The following SOX6 variants were observed in gnomAD, a reference collection of about 807,000 sequenced individuals.
The protein encoded by SOX6 is SRY-box transcription factor 6.
Under a neutral mutation model 97.8 loss-of-function variants are expected in SOX6, and 11 were observed. That is an observed-to-expected ratio of 0.11 (90% CI 0.07 to 0.19). The LOEUF is 0.19. Among genes scored for constraint, SOX6 ranks in the 10% least tolerant of loss-of-function variants. The pLI, the probability that SOX6 is intolerant of heterozygous loss-of-function variation, is 1.00. For missense variants in SOX6, 810 were observed against 1,039.5 expected, an observed-to-expected ratio of 0.78 and a Z score of 3.04; for synonymous variants, 360 against 371.4, an observed-to-expected ratio of 0.97 and a Z score of 0.35.
intron 7 of SOX6, among the ~76,000 whole-genome samples, chr11:16,098,605 G>A (rs1361156438): frequency 1.3e-5 from 2 of 151,812 alleles, no homozygotes; most frequent in Admixed American, 1.3e-4. Context: ...AAATTAGTAT[G>A]TGTGGATAAA....
At chr11:16,199,751 T>G (rs1851883112) in intron 4 of SOX6, among the ~76,000 whole-genome samples, 1 of 152,168 alleles carries the variant, frequency 6.6e-6, no homozygotes, top group Non-Finnish European at 1.5e-5. Flanking sequence ...GGAACTAGTC[T>G]CCATCAACAG....
rs900373477 is a variant in SOX6 at position 16,055,783 on chromosome 11, T to C, written c.1220A>G (p.Lys407Arg). 3.7e-6 allele frequency: 6 copies of C among 1,613,764 alleles called. No individual in the cohort carries two copies. Among genetic ancestry groups the C allele is most frequent in the South Asian group, 1.1e-5 (1 of 91,084 alleles). The change falls in exon 10 of 16, where the codon AAG becomes AGG. Residue 407 changes from lysine (K) to arginine (R), a missense_variant. This residue lies in a region of SOX6 where 244 missense variants were observed against 261.0 expected (regional missense o/e 0.93). Coordinates refer to ENST00000683767, the MANE Select transcript of SOX6 (RefSeq NM_001367873.1). ...TVSPTGIKNE[K>R]RGTSPVTQVK... ...TTGAGTTACAGGGCTGGTCCCTCTCTTTTCATTTTTTATCCCAGTAGGTGA... is the reference window on the plus strand; with the variant it reads ...TTGAGTTACAGGGCTGGTCCCTCTCCTTTCATTTTTTATCCCAGTAGGTGA...
chr11:16,371,474 T>TAA (rs1459998334), intron 1 of SOX6, among the ~76,000 whole-genome samples: 1 of 149,818 alleles, frequency 6.7e-6, no homozygotes, highest in African/African-American at 2.5e-5. Flanking sequence ...TTCTTTTTTT[T>TAA]AAAAAAAAAT....
chr11:16,066,539 G>A (rs1368756046), intron 9 of SOX6, among the ~76,000 whole-genome samples: 1 of 152,140 alleles, frequency 6.6e-6, no homozygotes, highest in South Asian at 2.1e-4. Flanking sequence ...AGAAAATGTG[G>A]TACTTATACA....
At chr11:16,594,684 CTTTTTTT>C (rs10653599) in intron 4 of SOX6, among the ~76,000 whole-genome samples, 1 of 68,266 alleles carries the variant, frequency 1.5e-5, no homozygotes, top group African/African-American at 6.2e-5. Flanking sequence ...TCGGTTTTTG[CTTTTTTT>C]TTTTTTTTTT....
rs1853253560 is a variant in SOX6 at position 16,243,538 on chromosome 11, T to C, written c.446-8867A>G. Among the ~76,000 whole-genome samples the C allele has an allele frequency of 3.3e-5, 5 of 151,896 alleles. No homozygotes were observed. The South Asian group carries it at 1.0e-3, about 31-fold the overall frequency. On this transcript the variant is annotated intron_variant, in intron 3 of 15. Coordinates refer to ENST00000683767, the MANE Select transcript of SOX6 (RefSeq NM_001367873.1). Reference sequence around the variant, plus strand: ...TAACTATATTCATATATAATTTACATATAATAAAATGCGCCCATTTAAAAT... The same window carrying C: ...TAACTATATTCATATATAATTTACACATAATAAAATGCGCCCATTTAAAAT...
intron 7 of SOX6, among the ~76,000 whole-genome samples, chr11:16,107,859 G>A (rs762967260): frequency 2.0e-5 from 3 of 152,046 alleles, no homozygotes; most frequent in Non-Finnish European, 4.4e-5. Context: ...GTTTTTGGTC[G>A]TTGAGCAGAG....
At chr11:16,432,024 T>C (rs1050897231) in intron 1 of SOX6, among the ~76,000 whole-genome samples, 1 of 152,022 alleles carries the variant, frequency 6.6e-6, no homozygotes, top group African/African-American at 2.4e-5. Context: ...TCCCTAAAAG[T>C]TCCCTTAGCA....
At position 16,101,589 on chromosome 11, in the gene SOX6, C is replaced by T. The variant is rs568223546; in HGVS notation, c.899-3901G>A. Among the ~76,000 whole-genome samples, 25 of 151,596 alleles carry T rather than the reference C, an allele frequency of 1.6e-4. 1 individual carries two copies. The South Asian group carries it at 4.4e-3, about 27-fold the overall frequency. ...GCATCCAAACCCTTGACCAATCATC[C>T]GAAAATCTGTGGAATTTGTCACAAT... is the stretch of plus-strand genomic sequence containing the variant. On this transcript the variant is annotated intron_variant, in intron 7 of 15. Transcript: ENST00000683767.
At chr11:16,197,577 T>C (rs972491598) in intron 4 of SOX6, among the ~76,000 whole-genome samples, 8 of 152,240 alleles carry the variant, frequency 5.3e-5, no homozygotes, top group African/African-American at 1.9e-4. Flanking sequence ...TGTTCTTTTA[T>C]AGTTAAATAT....
chr11:16,434,714 C>T (rs1859340338), intron 1 of SOX6, among the ~76,000 whole-genome samples: 1 of 152,022 alleles, frequency 6.6e-6, no homozygotes, highest in South Asian at 2.1e-4. Context: ...TAAGTAAGTG[C>T]TCAATAAAAG....
intron 3 of SOX6, among the ~76,000 whole-genome samples, chr11:16,674,055 T>G (rs1176259205): frequency 6.6e-6 from 1 of 151,844 alleles, no homozygotes; most frequent in Non-Finnish European, 1.5e-5. Flanking sequence ...CCGGGCCTGG[T>G]GGCGGGCGCC....
chr11:16,204,223 C>T lies in SOX6; in HGVS notation c.536-17268G>A, dbSNP rs1265717097. Among the ~76,000 whole-genome samples the T allele has an allele frequency of 5.3e-5, 8 of 152,120 alleles. No homozygotes were observed. The South Asian group carries it at 1.4e-3, about 28-fold the overall frequency. On this transcript the variant is annotated intron_variant, in intron 4 of 15. Coordinates refer to ENST00000683767, the MANE Select transcript of SOX6 (RefSeq NM_001367873.1). ...GATTGACCCAAAATTTAAACTCTAA[C>T]TTAAAACCTATTTCCCTTTCCACTT...
intron 1 of SOX6, among the ~76,000 whole-genome samples, chr11:16,436,883 C>T (rs1056796942): frequency 2.0e-5 from 3 of 152,068 alleles, no homozygotes; most frequent in Admixed American, 2.0e-4. Context: ...TGTCCCCAAA[C>T]TATCATCTTT....
intron 4 of SOX6, among the ~76,000 whole-genome samples, chr11:16,557,402 C>T (rs1307234017): frequency 6.6e-6 from 1 of 151,870 alleles, no homozygotes; most frequent in Non-Finnish European, 1.5e-5. Flanking sequence ...ATCCAGTAAA[C>T]TCATTCCCAC....
chr11:16,169,007 T>A (rs565608003), intron 6 of SOX6, among the ~76,000 whole-genome samples: 77 of 152,294 alleles, frequency 5.1e-4, no homozygotes, highest in African/African-American at 1.8e-3. Context: ...TGTCTGACTT[T>A]GTGCCAAACT....
intron 4 of SOX6, among the ~76,000 whole-genome samples, chr11:16,588,101 T>G (rs1029710748): frequency 1.3e-5 from 2 of 152,198 alleles, no homozygotes; most frequent in Non-Finnish European, 2.9e-5. Flanking sequence ...AGTGTTATCG[T>G]TTTTGCTCAT....
intron 10 of SOX6, among the ~76,000 whole-genome samples, chr11:16,054,259 C>T (rs1026828625): frequency 6.6e-6 from 1 of 152,134 alleles, no homozygotes; most frequent in African/African-American, 2.4e-5. Flanking sequence ...GCTCAAGTCA[C>T]TGATGTTTGA....
rs147415982 is a variant in SOX6 at position 16,240,993 on chromosome 11, T to C, written c.446-6322A>G. ...AATTACTAATTATTTGCTTCAGATA[T>C]GAAGTAAGACACTCTAATTCTTTGG... On this transcript the variant is annotated intron_variant, in intron 3 of 15. Transcript: ENST00000683767. Among the ~76,000 whole-genome samples the C allele has an allele frequency of 1.3e-4, 8 of 62,368 alleles. No individual in the cohort carries two copies. In the East Asian group the frequency reaches 3.4e-3, roughly 27 times the overall value. 40.9% of individuals were successfully genotyped at this position (62,368 alleles called of 152,430 possible). A position where few individuals can be genotyped will look rare whatever the true frequency, so the allele number is the denominator to read the frequency against.
Sources: gnomAD v4.1 joint callset for allele counts (sites outside exome capture counted in the v4.1 genomes callset) on GRCh38, gnomAD v4.1.1 for gene constraint, gnomAD v4.1.1 regional missense constraint, MANE v1.5 for transcripts, NCBI Gene and HGNC (gene_info 2026-07-23, HGNC 2026-07-21) for gene names.